LDHAL6A: variants seen among roughly 807,000 people sequenced by gnomAD.
The protein encoded by LDHAL6A is lactate dehydrogenase A like 6A.
LDHAL6A carries 19 observed loss-of-function variants against 28.2 expected under a neutral mutation model. The ratio of observed to expected loss-of-function variants is 0.67; its 90% CI spans 0.47 to 0.99. The LOEUF (loss-of-function observed/expected upper bound fraction) is 0.99, where lower values mean the gene tolerates loss of function less well. LDHAL6A is among the 50% of genes least tolerant of loss of function. The pLI is 0.00. For missense variants in LDHAL6A, 372 were observed against 398.6 expected, an observed-to-expected ratio of 0.93 and a Z score of 0.57; for synonymous variants, 144 against 134.4, an observed-to-expected ratio of 1.07 and a Z score of -0.49.
At chr11:18,465,971 C>G (rs1849061847) in intron 3 of LDHAL6A, among the ~76,000 whole-genome samples, 161 bp downstream of exon 3, 1 of 152,164 alleles carries the variant, frequency 6.6e-6, no homozygotes, top group Admixed American at 6.5e-5. Context: ...CCTTGCTGCT[C>G]TCACTCCCTC....
chr11:18,474,834 T>TA lies in LDHAL6A; in HGVS notation c.419-625dup, dbSNP rs535864240. ...CAGCACAGCAAGACCCTGTCTCTAT[T>TA]AAAAAAATAATTTTTTCCTACTATT... is the stretch of plus-strand genomic sequence containing the variant. On this transcript the variant is annotated intron_variant, in intron 3 of 6. Coordinates refer to ENST00000280706, the MANE Select transcript of LDHAL6A (RefSeq NM_144972.5). Among the ~76,000 whole-genome samples the TA allele has an allele frequency of 7.2e-5, 11 of 152,332 alleles. No homozygotes were observed. The East Asian group carries it at 1.9e-3, about 27-fold the overall frequency.
At position 18,475,464 on chromosome 11, in the gene LDHAL6A, A is replaced by AG; in HGVS notation, c.419-1dup. ...TTCTTGATATGAACTTTTTCTTCTT[A>AG]GTGGATATCTTAACTTATGTAGCCT... On this transcript the variant is annotated splice_acceptor_variant, in intron 3 of 6. Transcript: ENST00000280706. LOFTEE classifies it high-confidence loss of function. 1.2e-6 allele frequency: 2 copies of AG among 1,607,802 alleles called. No individual in the cohort carries two copies. The highest frequency in any genetic ancestry group is 1.7e-6 in the Non-Finnish European group (2 of 1,176,150).
In LDHAL6A at chr11:18,465,787, A is replaced by G; in HGVS notation, c.395A>G (p.Lys132Arg). The G allele has an allele frequency of 1.9e-6, 3 of 1,612,538 alleles. No homozygotes were observed. The highest frequency in any genetic ancestry group is 1.7e-6 in the Non-Finnish European group (2 of 1,179,420). Residue 132 changes from lysine (K) to arginine (R), a missense_variant, in exon 3 of 7, where the codon AAA becomes AGA. By Grantham distance (26) the Lys-to-Arg change is conservative. Around this residue, in one of 3 missense-constraint regions of LDHAL6A, gnomAD observed 291 missense variants for 302.9 expected, o/e 0.96. Coordinates refer to ENST00000280706, the MANE Select transcript of LDHAL6A (RefSeq NM_144972.5). ...PNITQYSPHC[K>R]LLIVTNPVDI... ...ATTACCCAGTACAGTCCTCACTGCAAACTGCTTATTGTTACTAATCCAGGT... is the reference window on the plus strand; with the variant it reads ...ATTACCCAGTACAGTCCTCACTGCAGACTGCTTATTGTTACTAATCCAGGT...
At chr11:18,474,104 G>A (rs1849310787) in intron 3 of LDHAL6A, among the ~76,000 whole-genome samples, 1 of 151,982 alleles carries the variant, frequency 6.6e-6, no homozygotes, top group Non-Finnish European at 1.5e-5. Flanking sequence ...TTTTGAGACG[G>A]AGTCTTGCTC....
rs773948614 is a variant in LDHAL6A, at chr11:18,477,768, C to T, written c.834+25C>T. On this transcript the variant is annotated intron_variant, in intron 6 of 6. Coordinates refer to ENST00000280706, the MANE Select transcript of LDHAL6A (RefSeq NM_144972.5). ...GGTAGGACATTCATGTTCGAAAAAT[C>T]ATTAACTCAACATAAAATAGGGGGG... 8.3e-6 allele frequency: 13 copies of T among 1,574,936 alleles called. No homozygotes were observed. In the South Asian group the frequency reaches 1.5e-4, roughly 19 times the overall value.
chr11:18,470,596 C>T (rs570008621), intron 3 of LDHAL6A, among the ~76,000 whole-genome samples: 3 of 152,174 alleles, frequency 2.0e-5, no homozygotes, highest in South Asian at 2.1e-4. Context: ...TGGATAAAAA[C>T]TAAATGTATT....
intron 1 of LDHAL6A, 133 bp downstream of exon 1, chr11:18,456,939 C>A: frequency 2.3e-6 from 2 of 883,074 alleles, no homozygotes; most frequent in South Asian, 2.3e-5. Context: ...GGAAAAGGTG[C>A]CCTTTTTTTA....
intron 5 of LDHAL6A, 165 bp downstream of exon 5, chr11:18,476,666 A>G (rs762635628): frequency 4.2e-6 from 4 of 944,634 alleles, no homozygotes; most frequent in East Asian, 1.2e-4. Context: ...AAATTCTTCA[A>G]CAGTCAGGAA....
chr11:18,477,886 G>A (rs1849429951), intron 6 of LDHAL6A, 143 bp downstream of exon 6: 3 of 668,998 alleles, frequency 4.5e-6, no homozygotes, highest in Admixed American at 7.0e-5. Context: ...TGAAGAGTGG[G>A]GAGATTGGGG....
At chr11:18,463,169 T>C (rs1254795914) in intron 1 of LDHAL6A, among the ~76,000 whole-genome samples, 1 of 152,188 alleles carries the variant, frequency 6.6e-6, no homozygotes, top group Non-Finnish European at 1.5e-5. Context: ...TAATCCTCAA[T>C]GTGGCAGTAT....
chr11:18,460,444 C>T lies in LDHAL6A; in HGVS notation c.127-3517C>T, dbSNP rs141712864. On this transcript the variant is annotated intron_variant, in intron 1 of 6. Coordinates refer to ENST00000280706, the MANE Select transcript of LDHAL6A (RefSeq NM_144972.5). ...CCATCTCTACTAAAAATATAAAAAA[C>T]TAGCTGGGCACGGTGGCATGCATCT... 6.0e-3 allele frequency among the ~76,000 whole-genome samples: 909 copies of T among 151,500 alleles called. 17 individuals carry two copies. The highest frequency in any genetic ancestry group is 0.02 in the African/African-American group (835 of 41,084).
intron 3 of LDHAL6A, among the ~76,000 whole-genome samples, chr11:18,472,423 T>A (rs531016078): frequency 6.6e-6 from 1 of 152,320 alleles, no homozygotes; most frequent in Admixed American, 6.5e-5. Flanking sequence ...ACTTTTACAT[T>A]AATGGAAATA....
At chr11:18,474,766 G>T (rs148344445) in intron 3 of LDHAL6A, among the ~76,000 whole-genome samples, 3 of 152,032 alleles carry the variant, frequency 2.0e-5, no homozygotes, top group African/African-American at 7.3e-5. Context: ...TGAGAGGCTG[G>T]GGCAGGAGGA....
In LDHAL6A at chr11:18,477,890, A is replaced by G. The variant is rs571056415; in HGVS notation, c.834+147A>G. The G allele has an allele frequency of 7.7e-5, 51 of 664,286 alleles. No individual in the cohort carries two copies. In the South Asian group the frequency reaches 1.0e-3, roughly 14 times the overall value. 41.1% of individuals were successfully genotyped at this position (664,286 alleles called of 1,614,324 possible). A position where few individuals can be genotyped will look rare whatever the true frequency, so the allele number is the denominator to read the frequency against. ...TTCTTTGCTGCTGAAGAGTGGGGAGATTGGGGAAAGAGCCTATCTTTGTAG... is the reference window on the plus strand; with the variant it reads ...TTCTTTGCTGCTGAAGAGTGGGGAGGTTGGGGAAAGAGCCTATCTTTGTAG... On this transcript the variant is annotated intron_variant, in intron 6 of 6. Transcript: ENST00000280706.
Position 18,475,638 on chromosome 11 carries a change from T to C in LDHAL6A, c.591T>C (p.Ser197=). 2 of 1,611,790 alleles carry C rather than the reference T, an allele frequency of 1.2e-6. No homozygotes were observed. Among genetic ancestry groups the C allele is most frequent in the Non-Finnish European group, 1.7e-6 (2 of 1,179,112 alleles). The change falls in exon 4 of 7, where the codon AGT becomes AGC. Residue 197 remains serine (S), a splice_region_variant and synonymous_variant. Coordinates refer to ENST00000280706, the MANE Select transcript of LDHAL6A (RefSeq NM_144972.5). The part of the protein sequence containing the change: ...GLILGEHGDS[S]VPVWSGVNIA... ...TCCTTGGAGAGCATGGCGACTCAAG[T>C]GGTAAGCCTGAGGCACGATTGAGCC... is the stretch of plus-strand genomic sequence containing the variant.
At chr11:18,466,144 C>G (rs1329861190) in intron 3 of LDHAL6A, among the ~76,000 whole-genome samples, 1 of 152,112 alleles carries the variant, frequency 6.6e-6, no homozygotes, top group East Asian at 1.9e-4. Context: ...CTGCAAAGGA[C>G]ATGATTTTGT....
At chr11:18,475,250 G>A in intron 3 of LDHAL6A, 1 of 427,200 alleles carries the variant, frequency 2.3e-6, no homozygotes, top group African/African-American at 2.0e-5. Flanking sequence ...CTGTGTTTCT[G>A]CATACCAAGC....
Position 18,469,069 on chromosome 11 carries a change from C to G in LDHAL6A, c.418+3259C>G, listed in dbSNP as rs534501465. The G allele has an allele frequency of 6.8e-6, 3 of 442,798 alleles. No individual in the cohort carries two copies. In the East Asian group the frequency reaches 1.0e-4, roughly 15 times the overall value. 27.4% of individuals were successfully genotyped at this position (442,798 alleles called of 1,614,324 possible). ...CAATAGTATTTTATATTTTCTTACA[C>G]ACTTTCCAGTAAGTTTTTTCACATC... On this transcript the variant is annotated intron_variant, in intron 3 of 6. Transcript: ENST00000280706.
chr11:18,464,715 C>CAA (rs11367641), intron 2 of LDHAL6A, among the ~76,000 whole-genome samples: 48 of 123,134 alleles, frequency 3.9e-4, no homozygotes, highest in East Asian at 1.4e-3. Flanking sequence ...AACTCTGTCT[C>CAA]AAAAAAAAAA....
Sources: allele counts gnomAD v4.1 joint callset (sites outside exome capture counted in the v4.1 genomes callset), GRCh38; gene constraint gnomAD v4.1.1; regional missense constraint gnomAD v4.1.1; transcripts MANE v1.5; gene names NCBI Gene and HGNC (gene_info 2026-07-23, HGNC 2026-07-21).